The following TMEM41B variants were observed in gnomAD, a reference collection of about 807,000 sequenced individuals.
The protein encoded by TMEM41B is protein stasimon.
A neutral mutation model predicts 31.9 loss-of-function variants in TMEM41B; 18 were observed. The ratio of observed to expected loss-of-function variants is 0.56; its 90% CI spans 0.39 to 0.84. TMEM41B has a LOEUF of 0.84. Ranked by LOEUF, TMEM41B falls within the 40% of genes least tolerant of loss-of-function variation. The probability of loss-of-function intolerance (pLI) is 0.00; values close to 1 mark genes in which losing one functional copy is unlikely to be tolerated. For synonymous variants in TMEM41B, 144 were observed against 124.3 expected, an observed-to-expected ratio of 1.16 and a Z score of -1.05; for missense variants, 322 against 348.0, an observed-to-expected ratio of 0.93 and a Z score of 0.59.
At chr11:9,309,138 TG>T (rs1467918937) in intron 1 of TMEM41B, among the ~76,000 whole-genome samples, 1 of 151,956 alleles carries the variant, frequency 6.6e-6, no homozygotes, top group Non-Finnish European at 1.5e-5. Context: ...TCCCGGCTAC[TG>T]GGGAGGCTGA....
intron 1 of TMEM41B, among the ~76,000 whole-genome samples, chr11:9,300,256 T>C (rs76400338): frequency 6.0e-4 from 92 of 152,274 alleles, no homozygotes; most frequent in African/African-American, 2.1e-3. Context: ...GTAGCATTGG[T>C]TTATTGATAA....
chr11:9,292,512 T>C (rs1220571810), intron 3 of TMEM41B, among the ~76,000 whole-genome samples: 2 of 152,106 alleles, frequency 1.3e-5, no homozygotes, highest in Non-Finnish European at 2.9e-5. Context: ...CTACTAACAA[T>C]ATGATGACTA....
intron 1 of TMEM41B, among the ~76,000 whole-genome samples, chr11:9,307,667 C>G (rs903601076): frequency 2.0e-5 from 3 of 151,994 alleles, no homozygotes; most frequent in Non-Finnish European, 2.9e-5. Context: ...GTCTCAGACT[C>G]CCGACCTCAG....
chr11:9,290,542 A>G (rs1346182737), intron 3 of TMEM41B, among the ~76,000 whole-genome samples: 1 of 134,530 alleles, frequency 7.4e-6, no homozygotes, highest in Non-Finnish European at 1.7e-5. Context: ...CAGAACTTAA[A>G]GTATAATAAT....
At chr11:9,295,180 T>C in intron 3 of TMEM41B, 79 bp downstream of exon 3, 2 of 1,298,380 alleles carry the variant, frequency 1.5e-6, no homozygotes, top group Non-Finnish European at 1.0e-6. Flanking sequence ...AGGAAAATAG[T>C]TATGTATAAA....
At chr11:9,287,900 C>A in intron 4 of TMEM41B, 94 bp from the exon 5 acceptor site, 1 of 912,406 alleles carries the variant, frequency 1.1e-6, no homozygotes. Context: ...TAATTTACTT[C>A]TTTCAGAGGT....
At chr11:9,298,323 G>T (rs1853150281) in intron 2 of TMEM41B, among the ~76,000 whole-genome samples, 1 of 151,536 alleles carries the variant, frequency 6.6e-6, no homozygotes, top group Non-Finnish European at 1.5e-5. Flanking sequence ...GCCGGGTGTG[G>T]TGGTGCACAC....
chr11:9,306,222 G>A (rs1425749283), intron 1 of TMEM41B, among the ~76,000 whole-genome samples: 2 of 151,272 alleles, frequency 1.3e-5, no homozygotes, highest in South Asian at 4.2e-4. Flanking sequence ...CAGGTAATCC[G>A]CCCACCTCAA....
intron 3 of TMEM41B, among the ~76,000 whole-genome samples, chr11:9,294,271 G>C (rs1338814948): frequency 6.7e-6 from 1 of 149,480 alleles, no homozygotes; most frequent in African/African-American, 2.5e-5. Context: ...GAGATGGGCA[G>C]ATCACCTGAG....
intron 2 of TMEM41B, among the ~76,000 whole-genome samples, chr11:9,295,762 G>A (rs776694662): frequency 6.6e-6 from 1 of 152,040 alleles, no homozygotes; most frequent in African/African-American, 2.4e-5. Flanking sequence ...TCAAACTCCT[G>A]TGCTCAAATG....
chr11:9,299,331 C>CACACAA (rs1853186324), intron 2 of TMEM41B, among the ~76,000 whole-genome samples: 1 of 141,674 alleles, frequency 7.1e-6, no homozygotes, highest in Non-Finnish European at 1.5e-5. Flanking sequence ...TACATACACA[C>CACACAA]ACACACACAC....
At position 9,314,499 on chromosome 11, in the gene TMEM41B, T is replaced by C. The variant is rs1391036207; in HGVS notation, c.-58A>G. The C allele has an allele frequency of 3.3e-6, 5 of 1,501,572 alleles. No individual in the cohort carries two copies. Among genetic ancestry groups the C allele is most frequent in the East Asian group, 2.5e-5 (1 of 39,222 alleles). 93.0% of individuals were successfully genotyped at this position (1,501,572 alleles called of 1,614,324 possible). A position where few individuals can be genotyped will look rare whatever the true frequency, so the allele number is the denominator to read the frequency against. On this transcript the variant is annotated 5_prime_UTR_variant, in exon 1 of 7. Transcript: ENST00000528080. ...CCGCGCCCCCTAAACAACAAAACTC[T>C]GTTGCAGGCTCCTTACTACGCCGAA...
chr11:9,295,119 T>A (rs1226133953), intron 3 of TMEM41B, 140 bp downstream of exon 3: 1 of 1,066,434 alleles, frequency 9.4e-7, no homozygotes, highest in Non-Finnish European at 1.2e-6. Context: ...TTTTTTCCAT[T>A]TTAATTTTTC....
At chr11:9,293,523 A>G (rs1590376779) in intron 3 of TMEM41B, among the ~76,000 whole-genome samples, 1 of 152,314 alleles carries the variant, frequency 6.6e-6, no homozygotes, top group African/African-American at 2.4e-5. Flanking sequence ...TCTTTCACTT[A>G]TCTGTATATT....
intron 1 of TMEM41B, among the ~76,000 whole-genome samples, chr11:9,300,877 C>CA (rs1020580903): frequency 1.6e-3 from 208 of 131,476 alleles, no homozygotes; most frequent in East Asian, 4.1e-3. Context: ...GATTCCGTCT[C>CA]AAAAAAAAAA....
intron 3 of TMEM41B, 30 bp downstream of exon 3, chr11:9,295,229 T>A: frequency 6.7e-7 from 1 of 1,484,900 alleles, no homozygotes. Context: ...TGAACAAAAT[T>A]AGAAAACATT....
chr11:9,299,438 G>T (rs1853191117), intron 2 of TMEM41B, 146 bp downstream of exon 2: 1 of 598,000 alleles, frequency 1.7e-6, no homozygotes. Flanking sequence ...GCCCAGGCTG[G>T]TCTCGCACTC....
At chr11:9,287,106 GA>G (rs1335294971) in intron 5 of TMEM41B, among the ~76,000 whole-genome samples, 1 of 151,748 alleles carries the variant, frequency 6.6e-6, no homozygotes, top group African/African-American at 2.4e-5. Context: ...TGGAGTTCGA[GA>G]CCAGCCTGGC....
intron 3 of TMEM41B, among the ~76,000 whole-genome samples, chr11:9,293,439 T>C (rs542799595): frequency 2.8e-4 from 38 of 133,506 alleles, no homozygotes; most frequent in Non-Finnish European, 5.4e-4. Flanking sequence ...AAGATACTTA[T>C]GTATATGAGT....
Sources: gnomAD v4.1 joint callset for allele counts (sites outside exome capture counted in the v4.1 genomes callset) on GRCh38, gnomAD v4.1.1 for gene constraint, MANE v1.5 for transcripts, NCBI Gene and HGNC (gene_info 2026-07-23, HGNC 2026-07-21) for gene names.